Variants in PIP4P2 observed in about 807,000 individuals in gnomAD.
PIP4P2 encodes phosphatidylinositol-4,5-bisphosphate 4-phosphatase 2.
Under a neutral mutation model 33.3 loss-of-function variants are expected in PIP4P2, and 19 were observed. The ratio of observed to expected loss-of-function variants is 0.57; its 90% confidence interval spans 0.40 to 0.84. The LOEUF is 0.84. PIP4P2 is among the 40% of genes least tolerant of loss of function. The pLI is 0.00. For synonymous variants in PIP4P2, 110 were observed against 111.9 expected (o/e 0.98, Z 0.11); for missense variants, 270 against 324.7 (o/e 0.83, Z 1.29).
At chr8:91,011,557 T>C (rs139843037) in intron 4 of PIP4P2, among the ~76,000 whole-genome samples, 52 of 152,160 alleles carry the variant, frequency 3.4e-4, no homozygotes, top group African/African-American at 1.1e-3. Context: ...TATACAATGG[T>C]ATATGCTAAA....
At position 91,018,593 on chromosome 8, in the gene PIP4P2, T is replaced by A. The variant is rs1259084091; in HGVS notation, c.363-80A>T. 1.8e-5 allele frequency: 28 copies of A among 1,585,406 alleles called. No individual in the cohort carries two copies. In the Middle Eastern group the frequency reaches 5.0e-4, roughly 29 times the overall value. ...AACCTGCAACATATGGCCAAAAATA[T>A]GAAATGTGCTATACTTGTTTCATAA... On this transcript the variant is annotated intron_variant, in intron 3 of 6. Transcript: ENST00000285419.
chr8:91,039,166 T>C (rs975107363), intron 1 of PIP4P2, among the ~76,000 whole-genome samples: 2 of 152,234 alleles, frequency 1.3e-5, no homozygotes, highest in African/African-American at 4.8e-5. Context: ...CTTGATGAAG[T>C]TGAAACATTC....
intron 2 of PIP4P2, among the ~76,000 whole-genome samples, 177 bp from the exon 3 acceptor site, chr8:91,020,440 T>C (rs1252440090): frequency 6.6e-6 from 1 of 152,234 alleles, no homozygotes; most frequent in Non-Finnish European, 1.5e-5. Flanking sequence ...TATTCATGTT[T>C]TGTGGTCCTT....
chr8:91,024,673 A>C (rs1208145408), intron 1 of PIP4P2, among the ~76,000 whole-genome samples: 1 of 152,146 alleles, frequency 6.6e-6, no homozygotes, highest in Non-Finnish European at 1.5e-5. Context: ...TAATCTCAGA[A>C]CTTAGGATCA....
At chr8:91,021,845 G>A (rs564756968) in intron 1 of PIP4P2, among the ~76,000 whole-genome samples, 1 of 152,276 alleles carries the variant, frequency 6.6e-6, no homozygotes, top group East Asian at 1.9e-4. Flanking sequence ...TTATGTAGCT[G>A]TCATGCTCTG....
Position 91,040,839 on chromosome 8 carries a change from G to C in PIP4P2, c.-90C>G. 8.1e-7 allele frequency: 1 copy of C among 1,235,102 alleles called. No homozygotes were observed. Among genetic ancestry groups the C allele is most frequent in the Non-Finnish European group, 1.1e-6 (1 of 870,976 alleles). 76.5% of individuals were successfully genotyped at this position (1,235,102 alleles called of 1,614,324 possible). A position where few individuals can be genotyped will look rare whatever the true frequency, so the allele number is the denominator to read the frequency against. ...TACTGCTGCTGCCTCTGCTGCCGCT[G>C]CTGCCGCTGCAGCTGCTGCTGCTGC... On this transcript the variant is annotated 5_prime_UTR_variant, in exon 1 of 7. Transcript: ENST00000285419.
chr8:91,036,441 G>A (rs1004052120), intron 1 of PIP4P2, among the ~76,000 whole-genome samples: 15 of 152,212 alleles, frequency 9.9e-5, no homozygotes, highest in Middle Eastern at 3.4e-3. Flanking sequence ...ACACCATGAC[G>A]TTGCATAGCC....
chr8:91,021,961 T>C (rs955946067), intron 1 of PIP4P2, among the ~76,000 whole-genome samples: 17 of 152,012 alleles, frequency 1.1e-4, no homozygotes, highest in Admixed American at 9.2e-4. Flanking sequence ...AAACTAAACT[T>C]CTCAGCATGG....
chr8:91,028,235 A>G (rs1353791702), intron 1 of PIP4P2, among the ~76,000 whole-genome samples: 1 of 152,208 alleles, frequency 6.6e-6, no homozygotes, highest in Non-Finnish European at 1.5e-5. Flanking sequence ...AACTCTAAGT[A>G]TTTTAACCAG....
intron 4 of PIP4P2, among the ~76,000 whole-genome samples, chr8:91,010,110 A>C (rs1443311638): frequency 6.6e-6 from 1 of 151,846 alleles, no homozygotes; most frequent in Non-Finnish European, 1.5e-5. Flanking sequence ...TTAAAGTAAA[A>C]ATTCTTGAGT....
At chr8:91,031,939 A>G (rs1812169465) in intron 1 of PIP4P2, among the ~76,000 whole-genome samples, 1 of 152,186 alleles carries the variant, frequency 6.6e-6, no homozygotes, top group African/African-American at 2.4e-5. Flanking sequence ...AAATTTATAG[A>G]TATATTTTCC....
intron 1 of PIP4P2, among the ~76,000 whole-genome samples, chr8:91,030,640 G>C (rs566799304): frequency 6.6e-6 from 1 of 152,046 alleles, no homozygotes; most frequent in South Asian, 2.1e-4. Context: ...ATGCCCATTC[G>C]CCAAGTCTTA....
intron 1 of PIP4P2, among the ~76,000 whole-genome samples, chr8:91,033,888 T>G (rs1205112520): frequency 1.3e-5 from 2 of 152,278 alleles, no homozygotes; most frequent in South Asian, 2.1e-4. Context: ...CAAGAGATCC[T>G]CCAGCATCAG....
chr8:91,000,241 C>T (rs7819131), intron 5 of PIP4P2, among the ~76,000 whole-genome samples: 149,182 of 152,112 alleles, frequency 0.98, 73,177 homozygotes, highest in East Asian at 1. Context: ...TTTCTCAAAA[C>T]TTATTAGCAT....
chr8:91,017,895 A>G (rs1308695424), intron 4 of PIP4P2, among the ~76,000 whole-genome samples: 1 of 152,210 alleles, frequency 6.6e-6, no homozygotes, highest in Non-Finnish European at 1.5e-5. Flanking sequence ...ATACTTTCTT[A>G]TTCTTTATCT....
intron 1 of PIP4P2, among the ~76,000 whole-genome samples, chr8:91,030,341 G>A (rs942606197): frequency 6.6e-6 from 1 of 152,026 alleles, no homozygotes; most frequent in Non-Finnish European, 1.5e-5. Flanking sequence ...CTCAAAACAG[G>A]ATTCTTCCTA....
chr8:91,032,730 G>A (rs558782235), intron 1 of PIP4P2, among the ~76,000 whole-genome samples: 2 of 146,014 alleles, frequency 1.4e-5, no homozygotes, highest in African/African-American at 5.1e-5. Flanking sequence ...GCAGTGAGCC[G>A]AGATCATGCC....
chr8:91,004,525 T>C (rs903593749), intron 5 of PIP4P2, among the ~76,000 whole-genome samples: 15 of 152,144 alleles, frequency 9.9e-5, no homozygotes, highest in African/African-American at 3.6e-4. Context: ...ATCAATAGTA[T>C]CAAATGCTAC....
At chr8:91,010,607 C>T (rs185240742) in intron 4 of PIP4P2, among the ~76,000 whole-genome samples, 14 of 151,946 alleles carry the variant, frequency 9.2e-5, no homozygotes, top group Middle Eastern at 3.4e-3. Context: ...CTCACTTAAA[C>T]GGAGCAAACT....
Sources: gnomAD v4.1 joint callset for allele counts (sites outside exome capture counted in the v4.1 genomes callset) on GRCh38, gnomAD v4.1.1 for gene constraint, MANE v1.5 for transcripts, NCBI Gene and HGNC (gene_info 2026-07-23, HGNC 2026-07-21) for gene names.